FGGY: variants seen among roughly 807,000 people sequenced by gnomAD.
FGGY encodes the protein FGGY carbohydrate kinase domain-containing protein.
A neutral mutation model predicts 71.3 loss-of-function variants in FGGY; 72 were observed. The ratio of observed to expected loss-of-function variants is 1.01; its 90% confidence interval spans 0.84 to 1.23. The LOEUF (loss-of-function observed/expected upper bound fraction) is 1.23, where lower values mean the gene tolerates loss of function less well. FGGY is among the 50% of genes most tolerant of loss of function. The probability of loss-of-function intolerance (pLI) is 0.00; values close to 1 mark genes in which losing one functional copy is unlikely to be tolerated. For synonymous variants in FGGY, 251 were observed against 250.3 expected (o/e 1.00, Z -0.02); for missense variants, 668 against 682.3 (o/e 0.98, Z 0.23).
intron 7 of FGGY, among the ~76,000 whole-genome samples, chr1:59,532,515 T>C (rs1198234740): frequency 1.3e-5 from 2 of 152,208 alleles, no homozygotes; most frequent in Non-Finnish European, 2.9e-5. Flanking sequence ...TTATTTTAAC[T>C]TTTGAATAAT....
At chr1:59,640,816 C>T (rs1262246641) in intron 11 of FGGY, among the ~76,000 whole-genome samples, 1 of 150,934 alleles carries the variant, frequency 6.6e-6, no homozygotes, top group African/African-American at 2.5e-5. Flanking sequence ...TGAAGATAAA[C>T]TCCAATTGTA....
chr1:59,536,260 T>C (rs1188845117), intron 7 of FGGY, among the ~76,000 whole-genome samples: 2 of 152,030 alleles, frequency 1.3e-5, no homozygotes, highest in Non-Finnish European at 2.9e-5. Context: ...ACACATACAC[T>C]TTCCCAAGAC....
intron 5 of FGGY, among the ~76,000 whole-genome samples, chr1:59,397,350 G>C (rs969340497): frequency 2.0e-5 from 3 of 152,164 alleles, no homozygotes; most frequent in Non-Finnish European, 4.4e-5. Flanking sequence ...ATATTAGTCT[G>C]ATTTACTAAA....
intron 14 of FGGY, among the ~76,000 whole-genome samples, chr1:59,752,832 A>G (rs2098257152): frequency 1.3e-5 from 2 of 152,178 alleles, no homozygotes; most frequent in Non-Finnish European, 2.9e-5. Flanking sequence ...CCATGAATGC[A>G]GTCTTTCATG....
intron 2 of FGGY, among the ~76,000 whole-genome samples, chr1:59,335,771 A>G (rs1336963440): frequency 1.3e-5 from 2 of 152,166 alleles, no homozygotes; most frequent in African/African-American, 2.4e-5. Flanking sequence ...TAATGATTTG[A>G]GCACTTTTTC....
At chr1:59,745,327 A>T (rs1232820836) in intron 14 of FGGY, among the ~76,000 whole-genome samples, 2 of 152,202 alleles carry the variant, frequency 1.3e-5, no homozygotes, top group African/African-American at 4.8e-5. Flanking sequence ...GGATGGATAG[A>T]TTCCTTGCCT....
At chr1:59,411,663 T>G (rs2063619360) in intron 5 of FGGY, among the ~76,000 whole-genome samples, 1 of 152,240 alleles carries the variant, frequency 6.6e-6, no homozygotes, top group Non-Finnish European at 1.5e-5. Context: ...CACACTTATT[T>G]ATTCATTCAG....
intron 14 of FGGY, among the ~76,000 whole-genome samples, chr1:59,747,468 T>C (rs563446592): frequency 6.6e-6 from 1 of 152,280 alleles, no homozygotes; most frequent in Non-Finnish European, 1.5e-5. Context: ...TGTCGGAGTG[T>C]GCTGAGCAAA....
chr1:59,384,939 A>G (rs1185636007), intron 5 of FGGY, among the ~76,000 whole-genome samples: 2 of 152,142 alleles, frequency 1.3e-5, no homozygotes, highest in Admixed American at 1.3e-4. Context: ...GGCCAAGGAG[A>G]GATTGAAATT....
intron 14 of FGGY, among the ~76,000 whole-genome samples, chr1:59,714,217 G>A (rs1487329822): frequency 2.6e-5 from 4 of 152,174 alleles, no homozygotes; most frequent in Non-Finnish European, 5.9e-5. Context: ...GGCCCCTTCA[G>A]CTCTCCTGAG....
At chr1:59,696,331 C>A (rs1340365334) in intron 14 of FGGY, among the ~76,000 whole-genome samples, 2 of 151,942 alleles carry the variant, frequency 1.3e-5, no homozygotes, top group Non-Finnish European at 2.9e-5. Context: ...AACATTTTTC[C>A]CTAGAAAATT....
intron 8 of FGGY, among the ~76,000 whole-genome samples, chr1:59,586,944 A>C (rs2096303245): frequency 6.6e-6 from 1 of 152,236 alleles, no homozygotes; most frequent in Admixed American, 6.5e-5. Flanking sequence ...CAGTGGGCGC[A>C]GGACAGTGGG....
At chr1:59,554,432 TAGTA>T (rs1198998711) in intron 8 of FGGY, among the ~76,000 whole-genome samples, 3 of 152,174 alleles carry the variant, frequency 2.0e-5, no homozygotes, top group Non-Finnish European at 4.4e-5. Flanking sequence ...GCCAAATTCT[TAGTA>T]AGCATGAAAA....
At chr1:59,538,124 C>T (rs1570922592) in intron 7 of FGGY, among the ~76,000 whole-genome samples, 1 of 152,162 alleles carries the variant, frequency 6.6e-6, no homozygotes, top group East Asian at 1.9e-4. Context: ...TATCCAGAAT[C>T]TACAATGAAC....
chr1:59,304,261 A>G (rs1476024090), intron 1 of FGGY, among the ~76,000 whole-genome samples: 3 of 152,028 alleles, frequency 2.0e-5, no homozygotes, highest in African/African-American at 4.8e-5. Context: ...TGTGTATAGT[A>G]TAAGGGTTCA....
intron 4 of FGGY, among the ~76,000 whole-genome samples, chr1:59,360,127 G>GTTGTTATTATTATTATTATTA (rs60160244): frequency 2.7e-5 from 4 of 145,668 alleles, no homozygotes; most frequent in Non-Finnish European, 6.0e-5. Flanking sequence ...TTCTATCATT[G>GTTGTTATTATTATTATTATTA]TTATTATTAT....
intron 5 of FGGY, among the ~76,000 whole-genome samples, chr1:59,405,495 G>C (rs1395254158): frequency 6.6e-6 from 1 of 152,176 alleles, no homozygotes; most frequent in Non-Finnish European, 1.5e-5. Flanking sequence ...ATGGCTAGTA[G>C]CACCTTGTAC....
rs189859366 is a variant in FGGY, at chr1:59,452,416, C to T, written c.555-4545C>T. 1.3e-3 allele frequency among the ~76,000 whole-genome samples: 193 copies of T among 152,218 alleles called. 8 individuals are homozygous for T. The East Asian group carries it at 0.033, about 26-fold the overall frequency. On this transcript the variant is annotated intron_variant, in intron 5 of 15. Transcript: ENST00000303721. The stretch of plus-strand genomic sequence containing the variant: ...TTAGTTCTTCTGTGGAAATTTTAAA[C>T]GTAAAATCAGTATTTATACTTCCAG...
intron 5 of FGGY, among the ~76,000 whole-genome samples, chr1:59,444,146 T>C (rs898292564): frequency 2.0e-5 from 3 of 152,190 alleles, no homozygotes; most frequent in African/African-American, 7.2e-5. Flanking sequence ...TAATGGCCTC[T>C]AGCCACAGGG....
Sources: gnomAD v4.1 joint callset for allele counts (sites outside exome capture counted in the v4.1 genomes callset) on GRCh38, gnomAD v4.1.1 for gene constraint, MANE v1.5 for transcripts, NCBI Gene and HGNC (gene_info 2026-07-23, HGNC 2026-07-21) for gene names.